PTPN11: variants seen among roughly 807,000 people sequenced by gnomAD.
PTPN11 encodes the protein tyrosine-protein phosphatase non-receptor type 11.
Under a neutral mutation model 78.8 loss-of-function variants are expected in PTPN11, and 6 were observed. The observed-to-expected ratio is 0.08, with a 90% confidence interval of 0.04 to 0.15. The LOEUF (loss-of-function observed/expected upper bound fraction) is 0.15, where lower values mean the gene tolerates loss of function less well. Among genes scored for constraint, PTPN11 ranks in the 10% least tolerant of loss-of-function variants. PTPN11 has a pLI of 1.00. For synonymous variants in PTPN11, 221 were observed against 263.5 expected (o/e 0.84, Z 1.56); for missense variants, 386 against 744.8 (o/e 0.52, Z 5.61).
chr12:112,424,410 G>C (rs2037572481), intron 1 of PTPN11, among the ~76,000 whole-genome samples: 1 of 152,136 alleles, frequency 6.6e-6, no homozygotes, highest in South Asian at 2.1e-4. Context: ...AATCATAGAA[G>C]GATGTGATCG....
chr12:112,501,740 G>T (rs2038876380), intron 13 of PTPN11, among the ~76,000 whole-genome samples: 1 of 152,202 alleles, frequency 6.6e-6, no homozygotes, highest in Non-Finnish European at 1.5e-5. Flanking sequence ...GCCATTTCTA[G>T]TTGGGGTGAA....
intron 7 of PTPN11, among the ~76,000 whole-genome samples, chr12:112,473,948 T>TCACA (rs943381037): frequency 6.6e-6 from 1 of 152,182 alleles, no homozygotes; most frequent in African/African-American, 2.4e-5. Context: ...CAGGGTGCAG[T>TCACA]CACAGCTCAC....
chr12:112,455,099 C>T (rs1006634374), intron 5 of PTPN11, among the ~76,000 whole-genome samples: 9 of 151,986 alleles, frequency 5.9e-5, no homozygotes, highest in East Asian at 3.9e-4. Flanking sequence ...GGATTACAGG[C>T]GTGAGCTACC....
At position 112,477,694 on chromosome 12, in the gene PTPN11, G is replaced by A. The variant is rs781010979; in HGVS notation, c.897G>A (p.Glu299=). 16 of 1,613,374 alleles carry A rather than the reference G, an allele frequency of 9.9e-6. No homozygotes were observed. Among genetic ancestry groups the A allele is most frequent in the African/African-American group, 1.3e-5 (1 of 74,864 alleles). The part of the protein sequence containing the change: ...RVVLHDGDPN[E]PVSDYINANI... ...TCCTACACGATGGTGATCCCAATGAGCCTGTTTCAGATTACATCAATGCAA... is the reference window on the plus strand; with the variant it reads ...TCCTACACGATGGTGATCCCAATGAACCTGTTTCAGATTACATCAATGCAA... The change falls in exon 8 of 16, where the codon GAG becomes GAA. Residue 299 remains glutamate (E), a synonymous_variant. Transcript: ENST00000351677.
At chr12:112,424,049 G>A (rs1050460879) in intron 1 of PTPN11, among the ~76,000 whole-genome samples, 8 of 152,216 alleles carry the variant, frequency 5.3e-5, no homozygotes, top group African/African-American at 1.7e-4. Context: ...ACTGTACCTG[G>A]CCTTTACAAT....
In PTPN11 at chr12:112,482,153, G is replaced by A. The variant is rs2038606689; in HGVS notation, c.1172G>A (p.Ser391Asn). 6.2e-7 allele frequency: 1 copy of A among 1,613,488 alleles called. No individual in the cohort carries two copies. Among genetic ancestry groups the A allele is most frequent in the Non-Finnish European group, 8.5e-7 (1 of 1,179,440 alleles). The change falls in exon 10 of 16, where the codon AGC becomes AAC. Residue 391 changes from serine (S) to asparagine (N), a missense_variant. Coordinates refer to ENST00000351677, the MANE Select transcript of PTPN11 (RefSeq NM_002834.5). The surrounding 1 kb of genome is among the most constrained non-coding windows in gnomAD (Gnocchi z 4.4). The part of the protein sequence containing the change: ...GVMRVRNVKE[S>N]AAHDYTLREL... Reference sequence around the variant, plus strand: ...ATGCGTGTTAGGAACGTCAAAGAAAGCGCCGCTCATGACTATACGCTAAGA... The same window carrying A: ...ATGCGTGTTAGGAACGTCAAAGAAAACGCCGCTCATGACTATACGCTAAGA...
At chr12:112,474,578 A>G (rs2038469911) in intron 7 of PTPN11, among the ~76,000 whole-genome samples, 1 of 151,646 alleles carries the variant, frequency 6.6e-6, no homozygotes, top group African/African-American at 2.4e-5. Flanking sequence ...TGAGGAAAAA[A>G]GGCCTGGAAG....
intron 14 of PTPN11, 79 bp downstream of exon 14, chr12:112,502,335 A>C: frequency 2.5e-6 from 3 of 1,204,814 alleles, no homozygotes; most frequent in Non-Finnish European, 3.7e-6. Flanking sequence ...CAAAAACAAA[A>C]CACAAGTTTG....
intron 1 of PTPN11, among the ~76,000 whole-genome samples, chr12:112,427,582 TATATAG>T (rs202193227): frequency 5.9e-5 from 9 of 151,408 alleles, no homozygotes; most frequent in East Asian, 3.9e-4. Flanking sequence ...TATCTATATC[TATATAG>T]ATATAGATAT....
At chr12:112,451,807 T>C (rs1009730506) in intron 3 of PTPN11, among the ~76,000 whole-genome samples, 2 of 152,248 alleles carry the variant, frequency 1.3e-5, no homozygotes, top group Non-Finnish European at 2.9e-5. Context: ...TAATTGAGTG[T>C]TCACATGCCA....
chr12:112,423,454 T>C (rs1182703047), intron 1 of PTPN11, among the ~76,000 whole-genome samples: 1 of 151,918 alleles, frequency 6.6e-6, no homozygotes, highest in East Asian at 1.9e-4. Context: ...TCTGGCTAAT[T>C]TTTATATTTT....
At chr12:112,495,992 A>T (rs555615985) in intron 13 of PTPN11, among the ~76,000 whole-genome samples, 1 of 152,132 alleles carries the variant, frequency 6.6e-6, no homozygotes, top group South Asian at 2.1e-4. Context: ...TTCAGACCAT[A>T]CTCAAGAAAA....
rs746712068 is a variant in PTPN11 at position 112,502,240 on chromosome 12, A to G, written c.1696A>G (p.Thr566Ala). 10 of 1,612,974 alleles carry G rather than the reference A, an allele frequency of 6.2e-6. No homozygotes were observed. Among genetic ancestry groups the G allele is most frequent in the African/African-American group, 4.0e-5 (3 of 74,992 alleles). ...GAGCCCTCTCCCGCCTTGTACTCCA[A>G]CGCCACCCTGTGCAGAGTAAGTAGT... is the stretch of plus-strand genomic sequence containing the variant. ...DQSPLPPCTP[T>A]PPCAEMREDS... Residue 566 changes from threonine to alanine, a missense_variant, in exon 14 of 16, where the codon ACG (threonine) becomes GCG (alanine). Thr to Ala is a moderately conservative substitution (Grantham distance 58). This residue lies in a region of PTPN11 where 44 missense variants were observed against 59.3 expected (regional missense o/e 0.74). Transcript: ENST00000351677.
chr12:112,442,209 A>C (rs995042501), intron 1 of PTPN11, among the ~76,000 whole-genome samples: 2 of 152,136 alleles, frequency 1.3e-5, no homozygotes, highest in Admixed American at 1.3e-4. Context: ...AGAGTTGCAA[A>C]ATAGTACAAA....
chr12:112,453,100 T>G (rs2038100807), intron 3 of PTPN11, 95 bp from the exon 4 acceptor site: 10 of 1,054,692 alleles, frequency 9.5e-6, no homozygotes, highest in Non-Finnish European at 4.3e-6. Flanking sequence ...TTTTTAATTG[T>G]GTTTAGGAGA....
intron 1 of PTPN11, among the ~76,000 whole-genome samples, chr12:112,422,405 G>A (rs1405507361): frequency 6.6e-6 from 1 of 152,156 alleles, no homozygotes; most frequent in Non-Finnish European, 1.5e-5. Context: ...TTGCTTCTCT[G>A]CCCTTTTCTG....
chr12:112,455,227 A>C (rs531793091), intron 5 of PTPN11, among the ~76,000 whole-genome samples: 2 of 143,340 alleles, frequency 1.4e-5, no homozygotes, highest in African/African-American at 5.1e-5. Flanking sequence ...GGCATTACAG[A>C]GGTTCTTTTT....
At chr12:112,500,577 A>G (rs2038863122) in intron 13 of PTPN11, among the ~76,000 whole-genome samples, 1 of 152,148 alleles carries the variant, frequency 6.6e-6, no homozygotes, top group Non-Finnish European at 1.5e-5. Context: ...GGCAAATAGT[A>G]TCAGGCAAAA....
chr12:112,505,591 C>T lies in PTPN11; in HGVS notation c.*33-234C>T, dbSNP rs1005301316. On this transcript the variant is annotated intron_variant, in intron 15 of 15. Coordinates refer to ENST00000351677, the MANE Select transcript of PTPN11 (RefSeq NM_002834.5). ...CAGGAGGCTGAGGCAGGAGAGGCAG[C>T]GGTTGCAGTGTGCCAAGATCGCGCC... 5.2e-5 allele frequency among the ~76,000 whole-genome samples: 7 copies of T among 133,448 alleles called. No individual in the cohort carries two copies. In the South Asian group the frequency reaches 7.8e-4, roughly 15 times the overall value. 87.5% of individuals were successfully genotyped at this position (133,448 alleles called of 152,430 possible). A position where few individuals can be genotyped will look rare whatever the true frequency, so the allele number is the denominator to read the frequency against.
Sources: gnomAD v4.1 joint callset for allele counts (sites outside exome capture counted in the v4.1 genomes callset) on GRCh38, gnomAD v4.1.1 for gene constraint, gnomAD v4.1.1 regional missense constraint, Gnocchi (gnomAD v3.1) non-coding constraint, MANE v1.5 for transcripts, NCBI Gene and HGNC (gene_info 2026-07-23, HGNC 2026-07-21) for gene names.